ZMYM5: variants seen among roughly 807,000 people sequenced by gnomAD.
ZMYM5 encodes the protein zinc finger MYM-type protein 5.
ZMYM5 carries 41 observed loss-of-function variants against 61.8 expected under a neutral mutation model. That is an observed-to-expected ratio of 0.66 (90% CI 0.52 to 0.86). The LOEUF (loss-of-function observed/expected upper bound fraction) is 0.86, where lower values mean the gene tolerates loss of function less well. Among genes scored for constraint, ZMYM5 ranks in the 40% least tolerant of loss-of-function variants. The probability of loss-of-function intolerance (pLI) is 0.00; values close to 1 mark genes in which losing one functional copy is unlikely to be tolerated. For missense variants in ZMYM5, 706 were observed against 786.7 expected (o/e 0.90, Z 1.23); for synonymous variants, 257 against 276.4 (o/e 0.93, Z 0.70).
intron 7 of ZMYM5, among the ~76,000 whole-genome samples, chr13:19,835,259 T>C (rs1371048127): frequency 6.6e-6 from 1 of 151,982 alleles, no homozygotes; most frequent in Non-Finnish European, 1.5e-5. Flanking sequence ...CCTCCCAAAA[T>C]GATGGAATTA....
At chr13:19,841,600 C>G (rs1952880205) in intron 4 of ZMYM5, among the ~76,000 whole-genome samples, 2 of 151,974 alleles carry the variant, frequency 1.3e-5, no homozygotes, top group Non-Finnish European at 2.9e-5. Context: ...ATGAAACTCC[C>G]TAGAGTCAGT....
chr13:19,853,473 A>C (rs1311709095), intron 2 of ZMYM5, among the ~76,000 whole-genome samples: 2 of 151,416 alleles, frequency 1.3e-5, no homozygotes, highest in Non-Finnish European at 2.9e-5. Context: ...TTTTTCTTTT[A>C]GTAGATGTGA....
At chr13:19,842,586 G>A (rs1952914538) in intron 4 of ZMYM5, among the ~76,000 whole-genome samples, 1 of 146,466 alleles carries the variant, frequency 6.8e-6, no homozygotes. Flanking sequence ...TCAAGTTAAA[G>A]AGTAAAAATA....
intron 2 of ZMYM5, among the ~76,000 whole-genome samples, chr13:19,861,049 A>T (rs1221884685): frequency 6.6e-6 from 1 of 151,044 alleles, no homozygotes; most frequent in Admixed American, 6.6e-5. Context: ...TGGCACAAAC[A>T]CAGTTCACTG....
chr13:19,826,308 T>G (rs916312296), intron 7 of ZMYM5, among the ~76,000 whole-genome samples: 8 of 151,792 alleles, frequency 5.3e-5, no homozygotes, highest in Non-Finnish European at 1.0e-4. Context: ...GCTGAGATCA[T>G]GCTACTGCAC....
At chr13:19,832,564 T>G (rs1215586004) in intron 7 of ZMYM5, among the ~76,000 whole-genome samples, 1 of 152,108 alleles carries the variant, frequency 6.6e-6, no homozygotes, top group Non-Finnish European at 1.5e-5. Context: ...TGAACTCAAG[T>G]GATCCGCCCG....
At chr13:19,827,987 C>T (rs1488090121) in intron 7 of ZMYM5, among the ~76,000 whole-genome samples, 1 of 134,692 alleles carries the variant, frequency 7.4e-6, no homozygotes, top group African/African-American at 2.8e-5. Flanking sequence ...CCACTGCACT[C>T]CAGCCTGGGC....
At chr13:19,842,243 T>C (rs1446853799) in intron 4 of ZMYM5, among the ~76,000 whole-genome samples, 2 of 152,166 alleles carry the variant, frequency 1.3e-5, no homozygotes, top group Non-Finnish European at 2.9e-5. Context: ...GGCCAGACCC[T>C]TTCCCGCAGG....
chr13:19,859,948 TACA>T (rs754124149), intron 2 of ZMYM5, among the ~76,000 whole-genome samples: 3 of 149,192 alleles, frequency 2.0e-5, no homozygotes, highest in East Asian at 4.2e-4. Flanking sequence ...CTACTAAAAA[TACA>T]ACAATTAGCC....
chr13:19,860,924 G>A (rs1315172952), intron 2 of ZMYM5, among the ~76,000 whole-genome samples: 1 of 145,426 alleles, frequency 6.9e-6, no homozygotes, highest in Non-Finnish European at 1.5e-5. Context: ...CTATATGCAT[G>A]TATATGCGCA....
chr13:19,860,046 G>C (rs1327446105), intron 2 of ZMYM5, among the ~76,000 whole-genome samples: 1 of 134,800 alleles, frequency 7.4e-6, no homozygotes, highest in Non-Finnish European at 1.6e-5. Context: ...AGAGGTTGCA[G>C]TGAGCCTAGA....
intron 4 of ZMYM5, among the ~76,000 whole-genome samples, chr13:19,849,914 GAGGTTGC>G (rs909568567): frequency 1.3e-5 from 2 of 151,944 alleles, no homozygotes; most frequent in African/African-American, 4.8e-5. Context: ...CCAGGAGGCA[GAGGTTGC>G]AGTGAGCCGA....
chr13:19,832,802 T>C (rs915107699), intron 7 of ZMYM5, among the ~76,000 whole-genome samples: 3 of 152,030 alleles, frequency 2.0e-5, no homozygotes, highest in Non-Finnish European at 2.9e-5. Context: ...TCTCATTCTG[T>C]TGCCCAGGGT....
chr13:19,855,751 C>T (rs1002704163), intron 2 of ZMYM5, among the ~76,000 whole-genome samples: 1 of 150,670 alleles, frequency 6.6e-6, no homozygotes, highest in African/African-American at 2.4e-5. Flanking sequence ...GTGGCTCATG[C>T]CTGTAATCCC....
intron 7 of ZMYM5, among the ~76,000 whole-genome samples, chr13:19,830,499 C>T (rs1056046254): frequency 9.2e-5 from 14 of 152,074 alleles, no homozygotes; most frequent in African/African-American, 3.1e-4. Flanking sequence ...CTCAGCTTTC[C>T]AAGTACCTGG....
intron 7 of ZMYM5, among the ~76,000 whole-genome samples, chr13:19,830,839 CTTTTTTT>C (rs1160103759): frequency 1.6e-4 from 21 of 129,588 alleles, no homozygotes; most frequent in East Asian, 2.3e-4. Flanking sequence ...GTTACTTTTT[CTTTTTTT>C]TTTTTTTTTT....
At chr13:19,848,324 A>G (rs1953158090) in intron 4 of ZMYM5, among the ~76,000 whole-genome samples, 1 of 152,046 alleles carries the variant, frequency 6.6e-6, no homozygotes, top group African/African-American at 2.4e-5. Flanking sequence ...TCTATTACCC[A>G]GGATGGAGTG....
chr13:19,841,485 T>C (rs1040788516), intron 4 of ZMYM5, among the ~76,000 whole-genome samples: 1 of 151,724 alleles, frequency 6.6e-6, no homozygotes, highest in Non-Finnish European at 1.5e-5. Context: ...CCTTAGTTTT[T>C]CCATTTGTTA....
chr13:19,835,953 A>C (rs901361188), intron 6 of ZMYM5, among the ~76,000 whole-genome samples: 3 of 151,848 alleles, frequency 2.0e-5, no homozygotes, highest in Non-Finnish European at 4.4e-5. Context: ...CCTCCCAAGT[A>C]GCTGGGATTA....
Sources: allele counts gnomAD v4.1 joint callset (sites outside exome capture counted in the v4.1 genomes callset), GRCh38; gene constraint gnomAD v4.1.1; transcripts MANE v1.5; gene names NCBI Gene and HGNC (gene_info 2026-07-23, HGNC 2026-07-21).